Variants in MCC observed in about 807,000 individuals in gnomAD.
The protein encoded by MCC is colorectal mutant cancer protein.
A neutral mutation model predicts 116.2 loss-of-function variants in MCC; 90 were observed. The observed-to-expected ratio is 0.77, with a 90% CI of 0.65 to 0.92. The LOEUF (loss-of-function observed/expected upper bound fraction) is 0.92. Among genes scored for constraint, MCC ranks in the 40% least tolerant of loss-of-function variants. The pLI, the probability that MCC is intolerant of heterozygous loss-of-function variation, is 0.00. For synonymous variants in MCC, 578 were observed against 510.5 expected, an observed-to-expected ratio of 1.13 and a Z score of -1.78; for missense variants, 1,516 against 1,312.2, an observed-to-expected ratio of 1.16 and a Z score of -2.40.
rs368286809 is a variant in MCC, at chr5:113,037,102, T to G, written c.2756+6428A>C. On this transcript the variant is annotated intron_variant, in intron 17 of 18. Coordinates refer to ENST00000408903, the MANE Select transcript of MCC (RefSeq NM_001085377.2). The stretch of plus-strand genomic sequence containing the variant: ...CATGAACCAGTGAAGATTCTGCTGC[T>G]TATTTGTTCAGTGGGGGCTCCCTTT... Among the ~76,000 whole-genome samples the G allele has an allele frequency of 7.2e-5, 11 of 152,364 alleles. No homozygotes were observed. The East Asian group carries it at 2.1e-3, about 29-fold the overall frequency.
intron 6 of MCC, among the ~76,000 whole-genome samples, chr5:113,117,935 C>T (rs749048455): frequency 3.4e-4 from 52 of 152,232 alleles, no homozygotes; most frequent in Non-Finnish European, 7.2e-4. Flanking sequence ...CTAGAGACCT[C>T]AAAGGACTGC....
chr5:113,351,555 G>C (rs979634366), intron 2 of MCC, among the ~76,000 whole-genome samples: 1 of 152,074 alleles, frequency 6.6e-6, no homozygotes, highest in African/African-American at 2.4e-5. Context: ...GGGTAGTGGG[G>C]GAAGTAGAGG....
chr5:113,426,989 T>G (rs1241837691), intron 1 of MCC, among the ~76,000 whole-genome samples: 1 of 152,192 alleles, frequency 6.6e-6, no homozygotes, highest in Non-Finnish European at 1.5e-5. Context: ...TCTGGAGAAC[T>G]CAAGGTATAT....
At chr5:113,335,696 T>C (rs1767852999) in intron 3 of MCC, among the ~76,000 whole-genome samples, 3 of 151,708 alleles carry the variant, frequency 2.0e-5, no homozygotes, top group Admixed American at 1.3e-4. Context: ...ACCCATAGTT[T>C]TATGAATAGG....
chr5:113,259,676 C>G (rs558951920), intron 3 of MCC, among the ~76,000 whole-genome samples: 3 of 151,944 alleles, frequency 2.0e-5, no homozygotes, highest in Non-Finnish European at 2.9e-5. Flanking sequence ...TAGGGTGATT[C>G]GAACTCCTAG....
intron 3 of MCC, among the ~76,000 whole-genome samples, chr5:113,279,717 C>T (rs1024754131): frequency 2.0e-5 from 3 of 152,218 alleles, no homozygotes; most frequent in Admixed American, 6.5e-5. Context: ...CAAGCTCTTA[C>T]GAATTTTTAG....
At chr5:113,033,374 G>C (rs1256383472) in intron 17 of MCC, among the ~76,000 whole-genome samples, 3 of 152,116 alleles carry the variant, frequency 2.0e-5, no homozygotes, top group Non-Finnish European at 4.4e-5. Context: ...TGCAAGCACG[G>C]GGCTCACTTT....
chr5:113,326,055 T>A (rs1035848833), intron 3 of MCC, among the ~76,000 whole-genome samples: 1 of 152,230 alleles, frequency 6.6e-6, no homozygotes, highest in Non-Finnish European at 1.5e-5. Context: ...ATAAATTAGA[T>A]GTTTTGTCTA....
At chr5:113,279,576 A>C (rs2150356602) in intron 3 of MCC, among the ~76,000 whole-genome samples, 1 of 152,356 alleles carries the variant, frequency 6.6e-6, no homozygotes, top group South Asian at 2.1e-4. Flanking sequence ...CTTTGTAAGA[A>C]AGGATGTCTT....
chr5:113,078,748 C>G (rs555077223), intron 11 of MCC, among the ~76,000 whole-genome samples: 6 of 152,296 alleles, frequency 3.9e-5, no homozygotes, highest in East Asian at 1.9e-4. Flanking sequence ...AAAACTGGCA[C>G]AAGACAGGGA....
chr5:113,437,677 T>C (rs999889133), intron 1 of MCC, among the ~76,000 whole-genome samples: 2 of 152,208 alleles, frequency 1.3e-5, no homozygotes, highest in African/African-American at 2.4e-5. Context: ...TTCCCTGAGA[T>C]ATATTTCTAA....
chr5:113,122,759 A>C lies in MCC; in HGVS notation c.952T>G (p.Ser318Ala). The change falls in exon 6 of 19, where the codon TCT becomes GCT. Residue 318 changes from serine to alanine, a missense_variant. Coordinates refer to ENST00000408903, the MANE Select transcript of MCC (RefSeq NM_001085377.2). ...GTCTGGTCTTGGTCCATGCTTCGAGAGTCCTCGTTGACCTCGTGTTGGCTC... is the reference window on the plus strand; with the variant it reads ...GTCTGGTCTTGGTCCATGCTTCGAGCGTCCTCGTTGACCTCGTGTTGGCTC... ...SQSQHEVNED[S>A]RSMDQDQTSV... The C allele has an allele frequency of 6.2e-7, 1 of 1,614,142 alleles. No homozygotes were observed. The highest frequency in any genetic ancestry group is 1.1e-5 in the South Asian group (1 of 91,076).
intron 3 of MCC, among the ~76,000 whole-genome samples, chr5:113,194,516 T>G (rs1030994968): frequency 6.6e-6 from 1 of 151,962 alleles, no homozygotes; most frequent in Non-Finnish European, 1.5e-5. Flanking sequence ...AAATAAAAAC[T>G]AACCGAGCAT....
intron 1 of MCC, among the ~76,000 whole-genome samples, chr5:113,420,527 ATTC>A (rs1277141679): frequency 9.9e-5 from 15 of 152,190 alleles, no homozygotes; most frequent in African/African-American, 2.7e-4. Flanking sequence ...CCTGACAGTA[ATTC>A]TTCTTCTCTG....
intron 16 of MCC, among the ~76,000 whole-genome samples, chr5:113,044,868 C>T (rs1455459421): frequency 6.6e-6 from 1 of 152,224 alleles, no homozygotes; most frequent in Non-Finnish European, 1.5e-5. Flanking sequence ...GCCACCGCAC[C>T]TGGCCATAAA....
chr5:113,475,223 G>C (rs890729245), intron 1 of MCC, among the ~76,000 whole-genome samples: 1 of 152,172 alleles, frequency 6.6e-6, no homozygotes, highest in Non-Finnish European at 1.5e-5. Flanking sequence ...CAAGTATCTG[G>C]TATATCACTG....
At chr5:113,225,739 C>G (rs753059524) in intron 3 of MCC, among the ~76,000 whole-genome samples, 1 of 152,198 alleles carries the variant, frequency 6.6e-6, no homozygotes, top group Non-Finnish European at 1.5e-5. Context: ...CACAGGCTCA[C>G]AGGCATCCCA....
intron 3 of MCC, among the ~76,000 whole-genome samples, chr5:113,228,867 G>A (rs1763842128): frequency 6.6e-6 from 1 of 152,124 alleles, no homozygotes; most frequent in African/African-American, 2.4e-5. Context: ...ATTACTGTGG[G>A]GTATGAAGAA....
At chr5:113,135,342 C>T (rs1758749371) in intron 5 of MCC, among the ~76,000 whole-genome samples, 1 of 146,536 alleles carries the variant, frequency 6.8e-6, no homozygotes, top group African/African-American at 2.5e-5. Flanking sequence ...ATCACAAGGT[C>T]AGGAGATCGA....
Sources: gnomAD v4.1 joint callset for allele counts (sites outside exome capture counted in the v4.1 genomes callset) on GRCh38, gnomAD v4.1.1 for gene constraint, MANE v1.5 for transcripts, NCBI Gene and HGNC (gene_info 2026-07-23, HGNC 2026-07-21) for gene names.